Variants in LIPJ observed in about 807,000 individuals in gnomAD.
LIPJ encodes the protein lipase member J.
Under a neutral mutation model 39.8 loss-of-function variants are expected in LIPJ, and 33 were observed. That is an observed-to-expected ratio of 0.83 (90% confidence interval 0.63 to 1.11). The LOEUF (loss-of-function observed/expected upper bound fraction) is 1.11. LIPJ is among the 50% of genes least tolerant of loss of function. The pLI, the probability that LIPJ is intolerant of heterozygous loss-of-function variation, is 0.00. For synonymous variants in LIPJ, 128 were observed against 139.2 expected (o/e 0.92, Z 0.57); for missense variants, 422 against 427.9 (o/e 0.99, Z 0.12).
chr10:88,596,861 A>G (rs746350125), exon 8 of LIPJ: 12 of 1,597,098 alleles, frequency 7.5e-6, no homozygotes, highest in Middle Eastern at 1.7e-4. Flanking sequence ...AGCTGTGTCC[A>G]CTACAGATTT....
upstream of LIPJ, chr10:88,584,297 T>C (rs1447964944): frequency 6.6e-6 from 1 of 152,018 alleles, no homozygotes; most frequent in Non-Finnish European, 1.5e-5. Flanking sequence ...TTTTTAAGCA[T>C]AAAAATGAAA....
chr10:88,591,792 A>G (rs955545581), intron 4 of LIPJ: 2 of 181,380 alleles, frequency 1.1e-5, no homozygotes, highest in Non-Finnish European at 1.1e-5. Flanking sequence ...GAAATTAGAA[A>G]TGCTCTGAAA....
At chr10:88,591,254 G>C (rs925074549) in intron 3 of LIPJ, 124 bp from the exon 4 acceptor site, 1 of 597,924 alleles carries the variant, frequency 1.7e-6, no homozygotes, top group Non-Finnish European at 2.7e-6. Context: ...AATAAAAATA[G>C]ATAGGCTTGA....
chr10:88,605,288 T>C (rs772501247), intron 9 of LIPJ, among the ~76,000 whole-genome samples: 4 of 152,178 alleles, frequency 2.6e-5, no homozygotes, highest in Non-Finnish European at 5.9e-5. Flanking sequence ...TATCTTAGTC[T>C]CAGTGCAAGA....
chr10:88,597,399 C>T (rs1441828433), intron 8 of LIPJ, among the ~76,000 whole-genome samples: 1 of 151,816 alleles, frequency 6.6e-6, no homozygotes, highest in Non-Finnish European at 1.5e-5. Flanking sequence ...GAGTGGGAAA[C>T]TATTGTGGTA....
chr10:88,614,158 T>C, the LIPJ span, among the ~76,000 whole-genome samples: 1 of 151,932 alleles, frequency 6.6e-6, no homozygotes, highest in East Asian at 1.9e-4. Flanking sequence ...TATTAAATGT[T>C]AAAAATATTT....
At chr10:88,585,256 T>C (rs1850870828), upstream of LIPJ, among the ~76,000 whole-genome samples, 1 of 152,240 alleles carries the variant, frequency 6.6e-6, no homozygotes, top group Non-Finnish European at 1.5e-5. Flanking sequence ...CATGGTCTTC[T>C]GAGTCTGCTC....
At chr10:88,585,039 G>A (rs1304513280), upstream of LIPJ, among the ~76,000 whole-genome samples, 3 of 152,162 alleles carry the variant, frequency 2.0e-5, no homozygotes, top group African/African-American at 7.2e-5. Flanking sequence ...GAAATTAAAA[G>A]TTCAGATTTC....
Position 88,605,648 on chromosome 10 carries a change from C to T in LIPJ, c.811C>T (p.His271Tyr), listed in dbSNP as rs549165722. The T allele has an allele frequency of 2.5e-6, 4 of 1,609,404 alleles. No individual in the cohort carries two copies. In the Admixed American group the frequency reaches 5.0e-5, roughly 20 times the overall value. Residue 271 changes from histidine to tyrosine, a missense_variant, in exon 10 of 11, where the codon CAT (histidine) becomes TAT (tyrosine). Physicochemically the swap from His to Tyr is moderately conservative, Grantham distance 83. Coordinates refer to ENST00000371939, the Ensembl canonical transcript of LIPJ. ...TCTCTTTCAGCTTTTAAATTCTACT[C>T]ATTTGAAAGCTTATGACTGGGGCAG...
At chr10:88,590,933 G>A (rs1406417067) in intron 3 of LIPJ, among the ~76,000 whole-genome samples, 1 of 151,566 alleles carries the variant, frequency 6.6e-6, no homozygotes, top group Admixed American at 6.6e-5. Flanking sequence ...ATATATGAAG[G>A]TATGAATATA....
At chr10:88,614,195 T>C in the LIPJ span, among the ~76,000 whole-genome samples, 2 of 152,004 alleles carry the variant, frequency 1.3e-5, no homozygotes, top group African/African-American at 2.4e-5. Flanking sequence ...GAAGTATAGT[T>C]GTGTTGTTTT....
At chr10:88,617,451 T>C in the LIPJ span, among the ~76,000 whole-genome samples, 1 of 152,232 alleles carries the variant, frequency 6.6e-6, no homozygotes, top group African/African-American at 2.4e-5. Context: ...CTACTTTCCA[T>C]GTATTCCTTT....
At chr10:88,613,800 A>ATATATATATATATG in the LIPJ span, among the ~76,000 whole-genome samples, 92 of 74,120 alleles carry the variant, frequency 1.2e-3, no homozygotes, top group Admixed American at 2.0e-3. Flanking sequence ...ATATATATAT[A>ATATATATATATATG]TGTGTGTGTG....
At chr10:88,597,072 G>A (rs1215916990) in intron 8 of LIPJ, 136 bp downstream of exon 8, 1 of 518,768 alleles carries the variant, frequency 1.9e-6, no homozygotes, top group Non-Finnish European at 3.3e-6. Flanking sequence ...TAGCCTATCT[G>A]ATTTTATGAC....
chr10:88,582,972 T>C (rs778939526), upstream of LIPJ: 25 of 1,354,664 alleles, frequency 1.8e-5, no homozygotes, highest in Non-Finnish European at 2.5e-5. Context: ...GCTGAGGGTA[T>C]AGCGTTTTCG....
chr10:88,612,990 A>G, the LIPJ span, among the ~76,000 whole-genome samples: 30 of 152,340 alleles, frequency 2.0e-4, no homozygotes, highest in African/African-American at 5.1e-4. Context: ...ATAGGCCACA[A>G]AACAAGTCTC....
downstream of LIPJ, among the ~76,000 whole-genome samples, chr10:88,610,054 C>T (rs1851731625): frequency 6.6e-6 from 1 of 152,124 alleles, no homozygotes; most frequent in Non-Finnish European, 1.5e-5. Context: ...AGGAAGTTTC[C>T]TCTGATAAGC....
chr10:88,611,573 A>G (rs746896611), downstream of LIPJ, among the ~76,000 whole-genome samples: 1 of 152,208 alleles, frequency 6.6e-6, no homozygotes, highest in Non-Finnish European at 1.5e-5. Flanking sequence ...GCAAAAAACA[A>G]TTACCACTTC....
the LIPJ span, among the ~76,000 whole-genome samples, chr10:88,615,765 C>T: frequency 6.6e-6 from 1 of 151,896 alleles, no homozygotes; most frequent in Non-Finnish European, 1.5e-5. Context: ...TGTAAAATGG[C>T]ACAATCATTT....
Sources: gnomAD v4.1 joint callset for allele counts (sites outside exome capture counted in the v4.1 genomes callset) on GRCh38, gnomAD v4.1.1 for gene constraint, MANE v1.5 for transcripts, NCBI Gene and HGNC (gene_info 2026-07-23, HGNC 2026-07-21) for gene names.